CFAP418: variants seen among roughly 807,000 people sequenced by gnomAD.
CFAP418 encodes cilia- and flagella-associated protein 418.
Under a neutral mutation model 24.7 loss-of-function variants are expected in CFAP418, and 27 were observed. The ratio of observed to expected loss-of-function variants is 1.09; its 90% CI spans 0.81 to 1.51. The LOEUF is 1.51. Ranked by LOEUF, CFAP418 falls within the 40% of genes most tolerant of loss-of-function variation. The pLI, the probability that CFAP418 is intolerant of heterozygous loss-of-function variation, is 0.00. For missense variants in CFAP418, 257 were observed against 255.2 expected (o/e 1.01, Z -0.05); for synonymous variants, 74 against 87.3 (o/e 0.85, Z 0.85).
intron 4 of CFAP418, among the ~76,000 whole-genome samples, chr8:95,257,942 C>T (rs1360110180): frequency 6.6e-6 from 1 of 152,086 alleles, no homozygotes; most frequent in East Asian, 1.9e-4. Context: ...GAGATGACAG[C>T]CCCATGCGTG....
intron 4 of CFAP418, among the ~76,000 whole-genome samples, chr8:95,253,038 G>A (rs950715142): frequency 3.3e-5 from 5 of 151,764 alleles, no homozygotes; most frequent in East Asian, 1.9e-4. Context: ...GGCCGGGCGC[G>A]GTGGCTCACG....
chr8:95,263,668 T>G lies in CFAP418; in HGVS notation c.243+19A>C. The G allele has an allele frequency of 6.8e-7, 1 of 1,472,102 alleles. No homozygotes were observed. The highest frequency in any genetic ancestry group is 9.5e-7 in the Non-Finnish European group (1 of 1,052,488). The allele number at this position is 1,472,102 out of a possible 1,614,324, so 91.2% of individuals were successfully genotyped here. On this transcript the variant is annotated intron_variant, in intron 2 of 5. Transcript: ENST00000286688. ...GAAATAATGACAGAATTACTACATA[T>G]TTATAACACTTGACTTACAGAGGGT...
At chr8:95,252,318 A>T (rs567791131) in intron 4 of CFAP418, 35 bp from the exon 5 acceptor site, 1 of 1,375,320 alleles carries the variant, frequency 7.3e-7, no homozygotes, top group African/African-American at 1.4e-5. Context: ...ATTAAAGATT[A>T]TTGGTATCTT....
intron 5 of CFAP418, among the ~76,000 whole-genome samples, chr8:95,249,656 G>GA (rs58288207): frequency 0.025 from 3,519 of 140,470 alleles, 60 homozygotes; most frequent in African/African-American, 0.027. Flanking sequence ...GATTGGCTCA[G>GA]AAAAAAAAAA....
At chr8:95,259,986 T>A in intron 3 of CFAP418, 81 bp from the exon 4 acceptor site, 1 of 1,209,686 alleles carries the variant, frequency 8.3e-7, no homozygotes, top group South Asian at 1.4e-5. Flanking sequence ...TAAAAAAATT[T>A]TTGGTTTTAT....
At position 95,249,076 on chromosome 8, in the gene CFAP418, G is replaced by A. The variant is rs755622590; in HGVS notation, c.471-1306C>T. Among the ~76,000 whole-genome samples the A allele has an allele frequency of 1.3e-3, 200 of 152,068 alleles. 4 individuals carry two copies. Among genetic ancestry groups the A allele is most frequent in the Non-Finnish European group, 3.7e-4 (25 of 67,996 alleles). On this transcript the variant is annotated intron_variant, in intron 5 of 5. Coordinates refer to ENST00000286688, the MANE Select transcript of CFAP418 (RefSeq NM_177965.4). ...ATTTTAACAGAAAGAAAAAAACCCC[G>A]CCAAAACTAAGTTGTTGAGGAAAAA... is the stretch of plus-strand genomic sequence containing the variant.
At chr8:95,263,922 C>A in intron 1 of CFAP418, 148 bp from the exon 2 acceptor site, 1 of 564,466 alleles carries the variant, frequency 1.8e-6, no homozygotes, top group Non-Finnish European at 3.2e-6. Flanking sequence ...TGGATATAGT[C>A]TAAGTTTGTT....
At chr8:95,247,830 A>AAC in intron 5 of CFAP418, 60 bp from the exon 6 acceptor site, 1 of 1,409,642 alleles carries the variant, frequency 7.1e-7, no homozygotes, top group Non-Finnish European at 9.5e-7. Context: ...AATGATTAAA[A>AAC]AAAAAAAAAA....
intron 2 of CFAP418, among the ~76,000 whole-genome samples, chr8:95,263,301 G>A (rs1811924037): frequency 6.6e-6 from 1 of 152,142 alleles, no homozygotes; most frequent in Non-Finnish European, 1.5e-5. Flanking sequence ...TTTAGTCATT[G>A]CTTCATGGGA....
rs372201826 is a variant in CFAP418, at chr8:95,247,621, T to C, written c.620A>G (p.His207Arg). 25 of 1,614,210 alleles carry C rather than the reference T, an allele frequency of 1.5e-5. No individual in the cohort carries two copies. The African/African-American group carries it at 2.9e-4, about 19-fold the overall frequency. The change falls in exon 6 of 6, where the codon CAT becomes CGT. Residue 207 changes from histidine to arginine, a missense_variant. Physicochemically the swap from His to Arg is conservative, Grantham distance 29. Transcript: ENST00000286688. Reference sequence around the variant, plus strand: ...CCGAATGTGCAGTCTGCATTCTTAATGTTTACCACAAACCCAGCGAAGCTG... The same window carrying C: ...CCGAATGTGCAGTCTGCATTCTTAACGTTTACCACAAACCCAGCGAAGCTG... ...DHQLRWVCGK[H>R]
chr8:95,252,315 A>C (rs1811721909), intron 4 of CFAP418, 32 bp from the exon 5 acceptor site: 1 of 1,410,486 alleles, frequency 7.1e-7, no homozygotes, highest in Non-Finnish European at 1.0e-6. Flanking sequence ...TATATTAAAG[A>C]TTATTGGTAT....
intron 1 of CFAP418, among the ~76,000 whole-genome samples, chr8:95,266,323 A>G (rs1000102697): frequency 6.6e-6 from 1 of 152,060 alleles, no homozygotes; most frequent in Admixed American, 6.6e-5. Context: ...CTCAACCCAC[A>G]TCAGTCTTTT....
intron 1 of CFAP418, among the ~76,000 whole-genome samples, chr8:95,265,922 ACT>A (rs1449424053): frequency 6.6e-6 from 1 of 152,056 alleles, no homozygotes; most frequent in African/African-American, 2.4e-5. Flanking sequence ...TCCCTTTCTG[ACT>A]CTGTTTCTGA....
At chr8:95,251,506 G>T (rs1811707918) in intron 5 of CFAP418, among the ~76,000 whole-genome samples, 1 of 152,178 alleles carries the variant, frequency 6.6e-6, no homozygotes, top group Non-Finnish European at 1.5e-5. Context: ...GGTCATGAAT[G>T]CCATGCTAAG....
chr8:95,255,285 C>G, intron 4 of CFAP418, among the ~76,000 whole-genome samples: 1 of 152,216 alleles, frequency 6.6e-6, no homozygotes, highest in Non-Finnish European at 1.5e-5. Context: ...TCTTTCCCTA[C>G]TCATTATGCT....
chr8:95,250,749 G>T (rs1811693633), intron 5 of CFAP418, among the ~76,000 whole-genome samples: 1 of 152,092 alleles, frequency 6.6e-6, no homozygotes, highest in Non-Finnish European at 1.5e-5. Context: ...CTTTATTTGG[G>T]TTGGAAACTG....
Position 95,269,088 on chromosome 8 carries a change from G to A in CFAP418, c.102C>T (p.Gly34=). 1.2e-6 allele frequency: 2 copies of A among 1,614,178 alleles called. No individual in the cohort carries two copies. Among genetic ancestry groups the A allele is most frequent in the Non-Finnish European group, 1.7e-6 (2 of 1,180,018 alleles). ...TCCGGTCGCTACTGTGGGTGCCGCC[G>A]CCGCAGCCTTTGGGCTGCTCGACCA... is the stretch of plus-strand genomic sequence containing the variant. The part of the protein sequence containing the change: ...RGMVEQPKGC[G]GGTHSSDRNQ... Residue 34 remains glycine, a synonymous_variant, in exon 1 of 6, where the codon GGC becomes GGT. Coordinates refer to ENST00000286688, the MANE Select transcript of CFAP418 (RefSeq NM_177965.4).
chr8:95,260,454 C>T lies in CFAP418; in HGVS notation c.308+14G>A, dbSNP rs373805634. On this transcript the variant is annotated intron_variant, in intron 3 of 5. Transcript: ENST00000286688. ...CAATAGTGTGTATAATTCACCAAAGCAATCTCAACTTACCTTTTACCAAGG... is the reference window on the plus strand; with the variant it reads ...CAATAGTGTGTATAATTCACCAAAGTAATCTCAACTTACCTTTTACCAAGG... 6.4e-6 allele frequency: 10 copies of T among 1,566,628 alleles called. No homozygotes were observed. In the African/African-American group the frequency reaches 1.2e-4, roughly 20 times the overall value.
At chr8:95,257,126 A>G (rs1811802826) in intron 4 of CFAP418, among the ~76,000 whole-genome samples, 1 of 152,178 alleles carries the variant, frequency 6.6e-6, no homozygotes, top group African/African-American at 2.4e-5. Context: ...TAACTGGGAA[A>G]CTGCTGCTGT....
Sources: gnomAD v4.1 joint callset for allele counts (sites outside exome capture counted in the v4.1 genomes callset) on GRCh38, gnomAD v4.1.1 for gene constraint, MANE v1.5 for transcripts, NCBI Gene and HGNC (gene_info 2026-07-23, HGNC 2026-07-21) for gene names.